Variants in CST1 observed in about 807,000 individuals in gnomAD.
CST1 encodes the protein cystatin-SN.
In CST1, 19 loss-of-function variants were observed where a neutral mutation model predicts 10.7. The observed-to-expected ratio is 1.78, with a 90% CI of 1.24 to 2.61. CST1 has a LOEUF of 2.61. Ranked by LOEUF, CST1 falls within the 30% of genes most tolerant of loss-of-function variation. CST1 has a pLI of 0.00. For missense variants in CST1, 247 were observed against 178.1 expected (o/e 1.39, Z -2.20); for synonymous variants, 95 against 72.8 (o/e 1.31, Z -1.55).
In CST1 at chr20:23,750,660, C is replaced by T; in HGVS notation, c.207G>A (p.Arg69=). 2.5e-6 allele frequency: 4 copies of T among 1,613,820 alleles called. No individual in the cohort carries two copies. Among genetic ancestry groups the T allele is most frequent in the Non-Finnish European group, 3.4e-6 (4 of 1,180,010 alleles). ...TKDDYYRRPL[R]VLRARQQTVG... ...CTACCTGTTGCCTGGCTCTTAGTAC[C>T]CGCAGCGGACGTCTGTAGTAGTCAT... is the stretch of plus-strand genomic sequence containing the variant. Residue 69 remains arginine, a synonymous_variant, in exon 1 of 3, where the codon CGG becomes CGA. Transcript: ENST00000304749.
chr20:23,749,165 A>G, intron 1 of CST1, 36 bp from the exon 2 acceptor site: 1 of 1,608,140 alleles, frequency 6.2e-7, no homozygotes, highest in Non-Finnish European at 8.5e-7. Context: ...CGCCCCCATC[A>G]GTTCATGCAC....
At chr20:23,747,977 GC>G in intron 2 of CST1, 78 bp from the exon 3 acceptor site, 1 of 1,407,606 alleles carries the variant, frequency 7.1e-7, no homozygotes, top group Non-Finnish European at 1.0e-6. Flanking sequence ...AGATGTCAGA[GC>G]CTGGGTGAGG....
intron 2 of CST1, 139 bp downstream of exon 2, chr20:23,748,877 C>T (rs4544516): frequency 0.67 from 430,499 of 646,088 alleles, 148,104 homozygotes; most frequent in African/African-American, 0.86. Context: ...TACATGAACA[C>T]GTACACATCC....
Position 23,750,704 on chromosome 20 carries a change from A to G in CST1, c.163T>C (p.Tyr55His). The change falls in exon 1 of 3, where the codon TAT becomes CAT. Residue 55 changes from tyrosine to histidine, a missense_variant. Physicochemically the swap from Tyr to His is moderately conservative, Grantham distance 83 (BLOSUM62 2). Coordinates refer to ENST00000304749, the MANE Select transcript of CST1 (RefSeq NM_001898.3). ...TAGTCATCTTTGGTGGCCTTGTTAT[A>G]CTCGCTGATGGCGAAGTGAAGGGCA... is the stretch of plus-strand genomic sequence containing the variant. ...QRALHFAISE[Y>H]NKATKDDYYR... 1 of 1,614,052 alleles carries G rather than the reference A, an allele frequency of 6.2e-7. No individual in the cohort carries two copies. The highest frequency in any genetic ancestry group is 1.1e-5 in the South Asian group (1 of 91,068).
chr20:23,748,375 CA>C (rs1448214576), intron 2 of CST1, among the ~76,000 whole-genome samples: 1 of 152,150 alleles, frequency 6.6e-6, no homozygotes, highest in African/African-American at 2.4e-5. Flanking sequence ...TCACAAGAAC[CA>C]GCAGGTCCTT....
In CST1 at chr20:23,747,676, C is replaced by G; in HGVS notation, c.*140G>C. 5 of 736,560 alleles carry G rather than the reference C, an allele frequency of 6.8e-6. No individual in the cohort carries two copies. Among genetic ancestry groups the G allele is most frequent in the Non-Finnish European group, 1.1e-5 (5 of 435,884 alleles). The allele number at this position is 736,560 out of a possible 1,614,324, so 45.6% of individuals were successfully genotyped here. ...GCGCCCTGCTGAGCAACAAAGGACTCCTGCAGCCTTCTCTGTCTGTCTCTT... is the reference window on the plus strand; with the variant it reads ...GCGCCCTGCTGAGCAACAAAGGACTGCTGCAGCCTTCTCTGTCTGTCTCTT... On this transcript the variant is annotated 3_prime_UTR_variant, in exon 3 of 3. Transcript: ENST00000304749.
At chr20:23,748,822 G>A (rs914049163) in intron 2 of CST1, among the ~76,000 whole-genome samples, 194 bp downstream of exon 2, 8 of 151,650 alleles carry the variant, frequency 5.3e-5, no homozygotes, top group Admixed American at 1.3e-4. Flanking sequence ...GTGTACACAC[G>A]TGCACCTTTC....
intron 1 of CST1, among the ~76,000 whole-genome samples, chr20:23,749,667 G>C (rs562569924): frequency 6.6e-6 from 1 of 152,118 alleles, no homozygotes; most frequent in Non-Finnish European, 1.5e-5. Context: ...CAATGTGGCA[G>C]AGCTGTGGAG....
chr20:23,749,767 G>A (rs1332019324), intron 1 of CST1, among the ~76,000 whole-genome samples: 1 of 151,404 alleles, frequency 6.6e-6, no homozygotes, highest in African/African-American at 2.4e-5. Flanking sequence ...AGGCTTCTGG[G>A]CCTGATGGTC....
chr20:23,750,590 A>G lies in CST1; in HGVS notation c.228+49T>C, dbSNP rs561600005. 72 of 1,562,082 alleles carry G rather than the reference A, an allele frequency of 4.6e-5. 2 individuals are homozygous for G. The South Asian group carries it at 7.5e-4, about 16-fold the overall frequency. On this transcript the variant is annotated intron_variant, in intron 1 of 2. Coordinates refer to ENST00000304749, the MANE Select transcript of CST1 (RefSeq NM_001898.3). ...CTGGGAATGCTCTTGGGGGTTGGGG[A>G]ACAAACCAGGCTGGGACCCAGGACC...
intron 1 of CST1, among the ~76,000 whole-genome samples, chr20:23,749,953 G>A (rs978491921): frequency 6.6e-6 from 1 of 151,258 alleles, no homozygotes; most frequent in African/African-American, 2.4e-5. Context: ...GGAGAAGGTG[G>A]AGGAGCTCTA....
At chr20:23,749,838 C>A (rs369376593) in intron 1 of CST1, among the ~76,000 whole-genome samples, 5 of 149,574 alleles carry the variant, frequency 3.3e-5, no homozygotes, top group African/African-American at 1.2e-4. Flanking sequence ...TGCAGGCCAG[C>A]GGGGACCACG....
Position 23,748,037 on chromosome 20 carries a change from G to C in CST1, c.343-138C>G, listed in dbSNP as rs1194139681. 1.2e-5 allele frequency: 10 copies of C among 832,650 alleles called. No homozygotes were observed. In the East Asian group the frequency reaches 2.4e-4, roughly 20 times the overall value. 51.6% of individuals were successfully genotyped at this position (832,650 alleles called of 1,614,324 possible). A position where few individuals can be genotyped will look rare whatever the true frequency, so the allele number is the denominator to read the frequency against. On this transcript the variant is annotated intron_variant, in intron 2 of 2. Transcript: ENST00000304749. ...CCTCACCCACCCCTACTGAGTCCCA[G>C]AGTGCTGAACTAGAATGAATAGTGA... is the stretch of plus-strand genomic sequence containing the variant.
intron 2 of CST1, among the ~76,000 whole-genome samples, 179 bp from the exon 3 acceptor site, chr20:23,748,078 T>A (rs1399027226): frequency 1.3e-5 from 2 of 151,952 alleles, no homozygotes; most frequent in African/African-American, 2.4e-5. Flanking sequence ...CCATTGCCCC[T>A]CCCAAGGCTC....
chr20:23,747,981 G>A (rs1982712344), intron 2 of CST1, 82 bp from the exon 3 acceptor site: 1 of 1,380,632 alleles, frequency 7.2e-7, no homozygotes, highest in Non-Finnish European at 1.0e-6. Flanking sequence ...GTCAGAGCCT[G>A]GGTGAGGAGG....
rs3188301 is a variant in CST1, at chr20:23,750,681, G to A, written c.186C>T (p.Asp62=). 4.2e-5 allele frequency: 67 copies of A among 1,613,948 alleles called. No homozygotes were observed. Among genetic ancestry groups the A allele is most frequent in the Non-Finnish European group, 5.3e-5 (63 of 1,180,018 alleles). The change falls in exon 1 of 3, where the codon GAC becomes GAT. Residue 62 remains aspartate, a synonymous_variant. Transcript: ENST00000304749. Reference sequence around the variant, plus strand: ...GTACCCGCAGCGGACGTCTGTAGTAGTCATCTTTGGTGGCCTTGTTATACT... The same window carrying A: ...GTACCCGCAGCGGACGTCTGTAGTAATCATCTTTGGTGGCCTTGTTATACT... ...ISEYNKATKD[D]YYRRPLRVLR... is the part of the protein sequence containing the mutation.
Position 23,750,620 on chromosome 20 carries a change from G to C in CST1, c.228+19C>G, listed in dbSNP as rs1203723195. 3.1e-6 allele frequency: 5 copies of C among 1,612,150 alleles called. No homozygotes were observed. The highest frequency in any genetic ancestry group is 2.2e-5 in the East Asian group (1 of 44,872). ...ACCAGGCTGGGACCCAGGACCCCTG[G>C]GGTGGAGGGAGCACCTACCTGTTGC... On this transcript the variant is annotated intron_variant, in intron 1 of 2. Transcript: ENST00000304749.
At chr20:23,748,840 A>T (rs1392311217) in intron 2 of CST1, among the ~76,000 whole-genome samples, 176 bp downstream of exon 2, 1 of 151,850 alleles carries the variant, frequency 6.6e-6, no homozygotes, top group Non-Finnish European at 1.5e-5. Context: ...TTCCACATGC[A>T]CACCTACATG....
intron 1 of CST1, among the ~76,000 whole-genome samples, chr20:23,749,459 A>G (rs1440125978): frequency 1.3e-5 from 2 of 152,178 alleles, no homozygotes; most frequent in Non-Finnish European, 2.9e-5. Flanking sequence ...TCCATTTAAC[A>G]TAGATTTATT....
Sources: allele counts gnomAD v4.1 joint callset (sites outside exome capture counted in the v4.1 genomes callset), GRCh38; gene constraint gnomAD v4.1.1; transcripts MANE v1.5; gene names NCBI Gene and HGNC (gene_info 2026-07-23, HGNC 2026-07-21).